LMOD1: variants seen among roughly 807,000 people sequenced by gnomAD.
LMOD1 encodes the protein leiomodin-1.
In LMOD1, 8 loss-of-function variants were observed where a neutral mutation model predicts 36.5. That is an observed-to-expected ratio of 0.22 (90% CI 0.13 to 0.40). LMOD1 has a LOEUF of 0.40. Ranked by LOEUF, LMOD1 falls within the 10% of genes least tolerant of loss-of-function variation. The pLI, the probability that LMOD1 is intolerant of heterozygous loss-of-function variation, is 1.00. For synonymous variants in LMOD1, 284 were observed against 288.7 expected (o/e 0.98, Z 0.17); for missense variants, 630 against 751.1 (o/e 0.84, Z 1.88).
chr1:201,941,599 G>C (rs1248011865), intron 1 of LMOD1, among the ~76,000 whole-genome samples: 1 of 152,220 alleles, frequency 6.6e-6, no homozygotes, highest in African/African-American at 2.4e-5. Flanking sequence ...TCTGCAAAGG[G>C]CATTCTGAGG....
At chr1:201,934,526 A>G (rs1018139699) in intron 1 of LMOD1, among the ~76,000 whole-genome samples, 3 of 152,196 alleles carry the variant, frequency 2.0e-5, no homozygotes, top group East Asian at 3.8e-4. Context: ...CAGCCATGCT[A>G]TAATATTCCT....
chr1:201,944,421 G>A (rs1488404383), intron 1 of LMOD1, among the ~76,000 whole-genome samples: 2 of 152,196 alleles, frequency 1.3e-5, no homozygotes, highest in Non-Finnish European at 2.9e-5. Flanking sequence ...ACACAAGGCA[G>A]TCATGGGCCC....
At chr1:201,928,961 G>T (rs577729934) in intron 1 of LMOD1, among the ~76,000 whole-genome samples, 1 of 151,848 alleles carries the variant, frequency 6.6e-6, no homozygotes, top group Non-Finnish European at 1.5e-5. Flanking sequence ...CAAGTGATCC[G>T]CCCACCTTGG....
At chr1:201,903,230 G>GT (rs535913956) in intron 1 of LMOD1, among the ~76,000 whole-genome samples, 61 of 152,318 alleles carry the variant, frequency 4.0e-4, no homozygotes, top group African/African-American at 9.4e-4. Context: ...CAGCCCCTGG[G>GT]TTTTTTTAGC....
intron 1 of LMOD1, among the ~76,000 whole-genome samples, chr1:201,939,715 T>C (rs568482751): frequency 1.3e-5 from 2 of 152,086 alleles, no homozygotes; most frequent in African/African-American, 4.8e-5. Flanking sequence ...GCGTCGCCAC[T>C]CCTGTCCCCC....
At chr1:201,938,703 C>CA (rs910476405) in intron 1 of LMOD1, among the ~76,000 whole-genome samples, 3 of 152,196 alleles carry the variant, frequency 2.0e-5, no homozygotes, top group African/African-American at 7.2e-5. Context: ...ATTGAAGTAA[C>CA]AATCAGAAGG....
Position 201,900,019 on chromosome 1 carries a change from T to TCTCG in LMOD1, c.990_993dup (p.Met332ArgfsTer4). On this transcript the variant is annotated frameshift_variant, in exon 2 of 3. Coordinates refer to ENST00000367288, the MANE Select transcript of LMOD1 (RefSeq NM_012134.3). LOFTEE classifies it high-confidence loss of function. ...GAGTTGTTGACGTTCACCTCAGTCA[T>TCTCG]CTCGGGGTCATTGTTCTTCACTCTC... 1 of 1,613,858 alleles carries TCTCG rather than the reference T, an allele frequency of 6.2e-7. No homozygotes were observed. Among genetic ancestry groups the TCTCG allele is most frequent in the Non-Finnish European group, 8.5e-7 (1 of 1,179,878 alleles).
chr1:201,942,157 C>A (rs1262998139), intron 1 of LMOD1, among the ~76,000 whole-genome samples: 4 of 152,152 alleles, frequency 2.6e-5, no homozygotes, highest in Non-Finnish European at 5.9e-5. Context: ...CAAGTCCCAC[C>A]TCTACCCTCC....
intron 1 of LMOD1, among the ~76,000 whole-genome samples, chr1:201,923,884 AGAGAGAGAGAGAGAGAGAGGGAGG>A (rs1681749783): frequency 1.0e-5 from 1 of 98,878 alleles, no homozygotes; most frequent in Non-Finnish European, 2.4e-5. Flanking sequence ...AAGAAGAAAA[AGAGAGAGAGAGAGAGAGAGGGAGG>A]GAGAGAGAGA....
chr1:201,913,399 A>T (rs1023950795), intron 1 of LMOD1, among the ~76,000 whole-genome samples: 3 of 152,168 alleles, frequency 2.0e-5, no homozygotes, highest in African/African-American at 7.2e-5. Flanking sequence ...TGAGGTCACC[A>T]GCTCGAGACC....
At chr1:201,922,790 T>G (rs187234216) in intron 1 of LMOD1, among the ~76,000 whole-genome samples, 1 of 151,494 alleles carries the variant, frequency 6.6e-6, no homozygotes, top group Non-Finnish European at 1.5e-5. Flanking sequence ...TGAATACTGC[T>G]TTTTTTCTAA....
chr1:201,929,483 G>A (rs1681883080), intron 1 of LMOD1, among the ~76,000 whole-genome samples: 1 of 152,106 alleles, frequency 6.6e-6, no homozygotes, highest in African/African-American at 2.4e-5. Context: ...AAACTGAAGG[G>A]GAAATATGGC....
intron 1 of LMOD1, among the ~76,000 whole-genome samples, chr1:201,928,130 G>A (rs1452701061): frequency 6.6e-6 from 1 of 152,170 alleles, no homozygotes. Context: ...ACCAGATACA[G>A]GCCCTTGATC....
At chr1:201,932,953 C>G (rs1681951327) in intron 1 of LMOD1, among the ~76,000 whole-genome samples, 1 of 151,964 alleles carries the variant, frequency 6.6e-6, no homozygotes, top group Non-Finnish European at 1.5e-5. Context: ...AGGTACATAC[C>G]CAACAGAAAT....
chr1:201,901,562 ATG>A (rs1218735927), intron 1 of LMOD1, among the ~76,000 whole-genome samples: 1,356 of 26,328 alleles, frequency 0.052, 94 homozygotes, highest in South Asian at 0.069. Flanking sequence ...ACATATATAT[ATG>A]TATATATATA....
At chr1:201,914,288 C>G (rs1302130279) in intron 1 of LMOD1, among the ~76,000 whole-genome samples, 1 of 152,176 alleles carries the variant, frequency 6.6e-6, no homozygotes, top group African/African-American at 2.4e-5. Flanking sequence ...CCCTGTGAAC[C>G]CTAACACTCA....
chr1:201,930,760 T>A (rs1361963412), intron 1 of LMOD1, among the ~76,000 whole-genome samples: 1 of 152,060 alleles, frequency 6.6e-6, no homozygotes, highest in African/African-American at 2.4e-5. Context: ...CCCTAAACAA[T>A]CATATTTAGG....
intron 1 of LMOD1, among the ~76,000 whole-genome samples, chr1:201,916,044 G>A (rs1027601678): frequency 3.3e-5 from 5 of 151,738 alleles, no homozygotes; most frequent in Admixed American, 2.0e-4. Context: ...CAGCCTCCTA[G>A]GTAGCTGCTA....
chr1:201,940,511 C>T (rs1682096166), intron 1 of LMOD1, among the ~76,000 whole-genome samples: 1 of 151,904 alleles, frequency 6.6e-6, no homozygotes, highest in African/African-American at 2.4e-5. Context: ...CCTACTGTCC[C>T]AGTAAGGAGA....
Sources: allele counts gnomAD v4.1 joint callset (sites outside exome capture counted in the v4.1 genomes callset), GRCh38; gene constraint gnomAD v4.1.1; transcripts MANE v1.5; gene names NCBI Gene and HGNC (gene_info 2026-07-23, HGNC 2026-07-21).